The following BCO1 variants were observed in gnomAD, a reference collection of about 807,000 sequenced individuals.
The protein encoded by BCO1 is beta-carotene oxygenase 1.
In BCO1, 54 loss-of-function variants were observed where a neutral mutation model predicts 56.3. The observed-to-expected ratio is 0.96, with a 90% CI of 0.77 to 1.20. The LOEUF (loss-of-function observed/expected upper bound fraction) is 1.20. Ranked by LOEUF, BCO1 falls within the 50% of genes most tolerant of loss-of-function variation. The pLI, the probability that BCO1 is intolerant of heterozygous loss-of-function variation, is 0.00. For synonymous variants in BCO1, 318 were observed against 266.1 expected (o/e 1.20, Z -1.90); for missense variants, 801 against 690.9 (o/e 1.16, Z -1.79).
chr16:81,278,087 G>A (rs1178067218), intron 7 of BCO1, among the ~76,000 whole-genome samples: 1 of 152,086 alleles, frequency 6.6e-6, no homozygotes, highest in African/African-American at 2.4e-5. Flanking sequence ...TGTCGCCCAG[G>A]CTGGAGTGCA....
At chr16:81,276,065 G>T (rs6564864) in intron 7 of BCO1, among the ~76,000 whole-genome samples, 73,078 of 152,146 alleles carry the variant, frequency 0.48, 18,014 homozygotes, top group East Asian at 0.79. Flanking sequence ...ACCTGGAAGG[G>T]ATGGCTTTGA....
chr16:81,288,001 A>G (rs1030709547), intron 10 of BCO1, among the ~76,000 whole-genome samples: 1 of 152,112 alleles, frequency 6.6e-6, no homozygotes, highest in African/African-American at 2.4e-5. Flanking sequence ...CACACGGCAC[A>G]AGGCCCCACC....
rs200685766 is a variant in BCO1, at chr16:81,267,957, C to T, written c.669C>T (p.Cys223=). The T allele has an allele frequency of 1.2e-6, 2 of 1,614,002 alleles. No individual in the cohort carries two copies. Among genetic ancestry groups the T allele is most frequent in the Non-Finnish European group, 1.7e-6 (2 of 1,180,020 alleles). ...CCTGGAAGCACACAGAGGTGTTCTGCTCCATCCCATCCCGCTCCCTGCTCT... is the reference window on the plus strand; with the variant it reads ...CCTGGAAGCACACAGAGGTGTTCTGTTCCATCCCATCCCGCTCCCTGCTCT... ...KSPWKHTEVF[C]SIPSRSLLSP... Residue 223 remains cysteine (C), a synonymous_variant, in exon 6 of 11, where the codon TGC becomes TGT. Coordinates refer to ENST00000258168, the MANE Select transcript of BCO1 (RefSeq NM_017429.3).
intron 1 of BCO1, among the ~76,000 whole-genome samples, chr16:81,243,237 T>A (rs1195086344): frequency 6.6e-6 from 1 of 152,138 alleles, no homozygotes; most frequent in Non-Finnish European, 1.5e-5. Flanking sequence ...TTATCTCAAA[T>A]TTTTTTAAAT....
intron 10 of BCO1, among the ~76,000 whole-genome samples, chr16:81,287,935 G>C (rs1047753548): frequency 1.3e-5 from 2 of 152,148 alleles, no homozygotes; most frequent in African/African-American, 4.8e-5. Context: ...ATGGTTGACT[G>C]CCTGTGTGTC....
At chr16:81,263,071 G>A (rs1264713172) in intron 4 of BCO1, 1 of 149,092 alleles carries the variant, frequency 6.7e-6, no homozygotes, top group Non-Finnish European at 1.5e-5. Context: ...TCTTCACACT[G>A]CCTCTCCTTA....
chr16:81,266,787 C>G (rs759929633), intron 5 of BCO1, among the ~76,000 whole-genome samples: 1 of 152,168 alleles, frequency 6.6e-6, no homozygotes, highest in Non-Finnish European at 1.5e-5. Context: ...TCCATGCTGG[C>G]GGTGGCACTG....
Position 81,245,511 on chromosome 16 carries a change from G to A in BCO1, c.101G>A (p.Arg34His), listed in dbSNP as rs755530410. ...GCATGGCTGCAGGGAACCCTGCTCC[G>A]CAATGGGCCTGGGATGCACACAGTT... ...IPAWLQGTLL[R>H]NGPGMHTVGE... The change falls in exon 2 of 11, where the codon CGC (arginine) becomes CAC (histidine). Residue 34 changes from arginine (R) to histidine (H), a missense_variant. Coordinates refer to ENST00000258168, the MANE Select transcript of BCO1 (RefSeq NM_017429.3). 1.7e-5 allele frequency: 28 copies of A among 1,613,608 alleles called. No homozygotes were observed. The highest frequency in any genetic ancestry group is 5.5e-5 in the South Asian group (5 of 91,060).
At chr16:81,245,850 T>C (rs1905375753) in intron 2 of BCO1, among the ~76,000 whole-genome samples, 1 of 8,838 alleles carries the variant, frequency 1.1e-4, no homozygotes, top group South Asian at 2.1e-3. Context: ...CATCTCTGTC[T>C]TTTTTTTTTT....
chr16:81,254,295 ATTTTTTTTTTTTTTT>A (rs57961725), intron 2 of BCO1, among the ~76,000 whole-genome samples: 2 of 78,288 alleles, frequency 2.6e-5, no homozygotes, highest in Non-Finnish European at 4.7e-5. Context: ...CGCCCGGCTA[ATTTTTTTTTTTTTTT>A]TTTTTTTTTT....
chr16:81,256,491 T>C (rs1906143316), intron 2 of BCO1, among the ~76,000 whole-genome samples: 1 of 152,160 alleles, frequency 6.6e-6, no homozygotes. Flanking sequence ...AAATGCGTTC[T>C]GTAAAAGGAA....
At chr16:81,289,982 G>A (rs929569471) in intron 10 of BCO1, among the ~76,000 whole-genome samples, 8 of 152,186 alleles carry the variant, frequency 5.3e-5, no homozygotes, top group African/African-American at 1.9e-4. Flanking sequence ...TCTGGCTTCA[G>A]TCTACTGAGT....
At chr16:81,254,295 ATTTTTTTTTTTT>A (rs57961725) in intron 2 of BCO1, among the ~76,000 whole-genome samples, 12 of 78,284 alleles carry the variant, frequency 1.5e-4, no homozygotes, top group Middle Eastern at 0.017. Context: ...CGCCCGGCTA[ATTTTTTTTTTTT>A]TTTTTTTTTT....
At chr16:81,282,395 C>G (rs1202584189) in intron 8 of BCO1, among the ~76,000 whole-genome samples, 1 of 151,960 alleles carries the variant, frequency 6.6e-6, no homozygotes, top group Non-Finnish European at 1.5e-5. Flanking sequence ...AAACAAAAAA[C>G]AAAAACAAAA....
chr16:81,242,579 A>T (rs1905181825), intron 1 of BCO1, among the ~76,000 whole-genome samples: 1 of 151,814 alleles, frequency 6.6e-6, no homozygotes. Flanking sequence ...TGTGTGTTCC[A>T]TCTATCTTTG....
chr16:81,242,836 T>G (rs1045384678), intron 1 of BCO1, among the ~76,000 whole-genome samples: 1 of 152,084 alleles, frequency 6.6e-6, no homozygotes. Flanking sequence ...CTCAGATCGG[T>G]GGCATTAGAT....
chr16:81,270,157 A>C lies in BCO1; in HGVS notation c.844-2A>C. On this transcript the variant is annotated splice_acceptor_variant, in intron 6 of 10. Coordinates refer to ENST00000258168, the MANE Select transcript of BCO1 (RefSeq NM_017429.3). LOFTEE classifies it high-confidence loss of function. The stretch of plus-strand genomic sequence containing the variant: ...GAGCCCTTGATATGTGTCCTTTTTC[A>C]GACTTATATCCACATCATCGACCAA... The C allele has an allele frequency of 6.2e-7, 1 of 1,614,094 alleles. No individual in the cohort carries two copies. The highest frequency in any genetic ancestry group is 8.5e-7 in the Non-Finnish European group (1 of 1,180,022).
chr16:81,258,097 A>G (rs1400545951), intron 2 of BCO1, among the ~76,000 whole-genome samples: 3 of 152,094 alleles, frequency 2.0e-5, no homozygotes, highest in African/African-American at 7.2e-5. Context: ...AGCTAGAAAA[A>G]TCAAGGAACA....
chr16:81,243,098 G>A (rs1188469073), intron 1 of BCO1, among the ~76,000 whole-genome samples: 2 of 152,252 alleles, frequency 1.3e-5, no homozygotes, highest in East Asian at 1.9e-4. Context: ...GGGAGAAGGG[G>A]GAGTGACAGC....
Sources: allele counts gnomAD v4.1 joint callset (sites outside exome capture counted in the v4.1 genomes callset), GRCh38; gene constraint gnomAD v4.1.1; transcripts MANE v1.5; gene names NCBI Gene and HGNC (gene_info 2026-07-23, HGNC 2026-07-21).